Variants in HIP1 observed in about 807,000 individuals in gnomAD.
HIP1 encodes the protein huntingtin interacting protein 1, also known as huntingtin-interacting protein 1.
In HIP1, 65 loss-of-function variants were observed where a neutral mutation model predicts 147.6. The ratio of observed to expected loss-of-function variants is 0.44; its 90% CI spans 0.36 to 0.54. HIP1 has a LOEUF of 0.54. Among genes scored for constraint, HIP1 ranks in the 20% least tolerant of loss-of-function variants. The pLI, the probability that HIP1 is intolerant of heterozygous loss-of-function variation, is 0.00. For missense variants in HIP1, 1,061 were observed against 1,299.6 expected, an observed-to-expected ratio of 0.82 and a Z score of 2.82; for synonymous variants, 479 against 504.0, an observed-to-expected ratio of 0.95 and a Z score of 0.67.
intron 1 of HIP1, among the ~76,000 whole-genome samples, chr7:75,674,847 G>A (rs1799844182): frequency 6.6e-6 from 1 of 151,412 alleles, no homozygotes; most frequent in Non-Finnish European, 1.5e-5. Flanking sequence ...TCCCTTGTAT[G>A]TGATGAGTCA....
intron 2 of HIP1, among the ~76,000 whole-genome samples, chr7:75,594,151 A>C (rs1176611496): frequency 2.0e-5 from 3 of 151,754 alleles, no homozygotes; most frequent in Admixed American, 2.0e-4. Flanking sequence ...GTGGTGGCGC[A>C]TGCCTGTAAT....
intron 1 of HIP1, among the ~76,000 whole-genome samples, chr7:75,717,228 C>T (rs1277792308): frequency 6.6e-5 from 10 of 151,960 alleles, no homozygotes; most frequent in African/African-American, 2.2e-4. Flanking sequence ...AATTACAGAC[C>T]GACGGGAGAA....
At chr7:75,575,413 C>T (rs587746708) in intron 7 of HIP1, among the ~76,000 whole-genome samples, 15 of 150,148 alleles carry the variant, frequency 1.0e-4, no homozygotes, top group African/African-American at 2.7e-4. Context: ...TGAGCTGAGA[C>T]GGTGCCACTG....
chr7:75,738,704 A>C lies in HIP1; in HGVS notation c.120+97T>G, dbSNP rs114255868. On this transcript the variant is annotated intron_variant, in intron 1 of 30. Coordinates refer to ENST00000336926, the MANE Select transcript of HIP1 (RefSeq NM_005338.7). Reference sequence around the variant, plus strand: ...TCACTACACCCTCGCCCCGTCTTCAACTGGGGCCTGCAAGACTCCTACTCC... The same window carrying C: ...TCACTACACCCTCGCCCCGTCTTCACCTGGGGCCTGCAAGACTCCTACTCC... 3,934 of 1,385,016 alleles carry C rather than the reference A, an allele frequency of 2.8e-3. 88 individuals are homozygous for C. In the African/African-American group the frequency reaches 0.047, roughly 17 times the overall value. 85.8% of individuals were successfully genotyped at this position (1,385,016 alleles called of 1,614,324 possible).
At chr7:75,611,594 C>A (rs1205897493) in intron 1 of HIP1, 1 of 836,832 alleles carries the variant, frequency 1.2e-6, no homozygotes, top group African/African-American at 1.8e-5. Context: ...ACTGTTCCCG[C>A]CCCGCCACAG....
chr7:75,673,821 A>C (rs1554515650), intron 1 of HIP1, among the ~76,000 whole-genome samples: 1 of 40,754 alleles, frequency 2.5e-5, no homozygotes, highest in African/African-American at 1.2e-4. Context: ...CTATCTCTAC[A>C]AAAAAAAAAA....
rs1214564244 is a variant in HIP1 at position 75,556,036 on chromosome 7, G to A, written c.1817C>T (p.Ala606Val). Residue 606 changes from alanine to valine, a missense_variant, in exon 18 of 31, where the codon GCC (alanine) becomes GTC (valine). Physicochemically the swap from Ala to Val is moderately conservative, Grantham distance 64. Around this residue, in one of 3 missense-constraint regions of HIP1, gnomAD observed 810 missense variants for 946.8 expected, o/e 0.86. Coordinates refer to ENST00000336926, the MANE Select transcript of HIP1 (RefSeq NM_005338.7). ...ATGTCCGTGACTTGCCTCTGTGCTGGCCAGTTTGAGCTGAGTGTCCTGCAG... is the reference window on the plus strand; with the variant it reads ...ATGTCCGTGACTTGCCTCTGTGCTGACCAGTTTGAGCTGAGTGTCCTGCAG... ...KELQDTQLKL[A>V]STEESMCQLA... 6.2e-7 allele frequency: 1 copy of A among 1,614,084 alleles called. No homozygotes were observed. The highest frequency in any genetic ancestry group is 1.3e-5 in the African/African-American group (1 of 75,038).
chr7:75,589,709 A>G (rs1554500320), intron 4 of HIP1, among the ~76,000 whole-genome samples: 1 of 114,092 alleles, frequency 8.8e-6, no homozygotes, highest in African/African-American at 4.2e-5. Context: ...AAAAAAAAAA[A>G]AAAAAAGACT....
At chr7:75,724,514 C>T (rs1554522135) in intron 1 of HIP1, among the ~76,000 whole-genome samples, 1 of 151,972 alleles carries the variant, frequency 6.6e-6, no homozygotes, top group African/African-American at 2.4e-5. Flanking sequence ...TCCCAAAGTG[C>T]TGGGATTACA....
intron 1 of HIP1, among the ~76,000 whole-genome samples, chr7:75,696,438 T>C (rs1451485511): frequency 6.6e-6 from 1 of 152,084 alleles, no homozygotes; most frequent in Non-Finnish European, 1.5e-5. Flanking sequence ...GTAGCCATTC[T>C]GCTACTTTAG....
intron 17 of HIP1, 91 bp from the exon 18 acceptor site, chr7:75,556,260 G>C: frequency 6.9e-7 from 1 of 1,449,978 alleles, no homozygotes; most frequent in Non-Finnish European, 9.4e-7. Context: ...CGGGTTGCAA[G>C]GACTGGGAAG....
At chr7:75,670,012 G>A (rs983256850) in intron 1 of HIP1, among the ~76,000 whole-genome samples, 25 of 152,104 alleles carry the variant, frequency 1.6e-4, no homozygotes, top group Non-Finnish European at 1.9e-4. Context: ...TGTTGGCCAG[G>A]CTAGTCTTGA....
intron 1 of HIP1, among the ~76,000 whole-genome samples, chr7:75,686,883 G>C (rs1281881378): frequency 8.9e-6 from 1 of 112,446 alleles, no homozygotes; most frequent in Non-Finnish European, 1.7e-5. Context: ...ACAGGGTCTT[G>C]TATGTTGCCC....
intron 5 of HIP1, among the ~76,000 whole-genome samples, chr7:75,582,605 T>C (rs1796100450): frequency 6.6e-6 from 1 of 152,052 alleles, no homozygotes. Context: ...GGGTCAGGAA[T>C]TAGAGACGAG....
chr7:75,652,438 A>C (rs558005617), intron 1 of HIP1, among the ~76,000 whole-genome samples: 4 of 152,182 alleles, frequency 2.6e-5, no homozygotes, highest in Admixed American at 2.6e-4. Flanking sequence ...ATTATAACTC[A>C]CTGCAGCCTC....
chr7:75,553,725 C>A, intron 21 of HIP1, 136 bp from the exon 22 acceptor site: 1 of 776,892 alleles, frequency 1.3e-6, no homozygotes, highest in Non-Finnish European at 2.0e-6. Context: ...CCTGCCTCGG[C>A]CTCCCAAGTA....
At chr7:75,548,757 C>T in intron 23 of HIP1, 134 bp downstream of exon 23, 2 of 723,708 alleles carry the variant, frequency 2.8e-6, no homozygotes, top group African/African-American at 3.5e-5. Flanking sequence ...AGCCACTGTG[C>T]CTGGCAAATT....
At chr7:75,633,258 T>C (rs1451935811) in intron 1 of HIP1, among the ~76,000 whole-genome samples, 1 of 152,200 alleles carries the variant, frequency 6.6e-6, no homozygotes, top group Non-Finnish European at 1.5e-5. Context: ...CCCTCTCACA[T>C]GGAATATACC....
chr7:75,557,361 C>T (rs587666270), intron 16 of HIP1, among the ~76,000 whole-genome samples: 3 of 151,050 alleles, frequency 2.0e-5, no homozygotes, highest in South Asian at 4.2e-4. Context: ...CAAAAAAAAA[C>T]GCTCATCCCT....
Sources: gnomAD v4.1 joint callset for allele counts (sites outside exome capture counted in the v4.1 genomes callset) on GRCh38, gnomAD v4.1.1 for gene constraint, gnomAD v4.1.1 regional missense constraint, MANE v1.5 for transcripts, NCBI Gene and HGNC (gene_info 2026-07-23, HGNC 2026-07-21) for gene names.